BNC2: variants seen among roughly 807,000 people sequenced by gnomAD.
The protein encoded by BNC2 is zinc finger protein basonuclin-2.
Under a neutral mutation model 76.3 loss-of-function variants are expected in BNC2, and 20 were observed. That is an observed-to-expected ratio of 0.26 (90% confidence interval 0.18 to 0.38). The LOEUF (loss-of-function observed/expected upper bound fraction) is 0.38, where lower values mean the gene tolerates loss of function less well. BNC2 is among the 10% of genes least tolerant of loss of function. The pLI is 1.00. For missense variants in BNC2, 1,382 were observed against 1,399.8 expected, an observed-to-expected ratio of 0.99 and a Z score of 0.20; for synonymous variants, 582 against 514.8, an observed-to-expected ratio of 1.13 and a Z score of -1.77.
chr9:16,494,032 C>T (rs1336884999), intron 5 of BNC2, among the ~76,000 whole-genome samples: 1 of 152,116 alleles, frequency 6.6e-6, no homozygotes, highest in Non-Finnish European at 1.5e-5. Flanking sequence ...TTGGTTTTGT[C>T]CTAGGCACTG....
At chr9:16,792,133 C>G (rs1322856711) in intron 1 of BNC2, among the ~76,000 whole-genome samples, 1 of 151,530 alleles carries the variant, frequency 6.6e-6, no homozygotes, top group East Asian at 1.9e-4. Flanking sequence ...AACTAGATAC[C>G]ATCATACCAA....
chr9:16,592,118 C>T (rs1020801538), intron 3 of BNC2, among the ~76,000 whole-genome samples: 1 of 151,654 alleles, frequency 6.6e-6, no homozygotes, highest in African/African-American at 2.4e-5. Context: ...CCCCTCCCCT[C>T]CCCCCAAAAA....
chr9:16,590,496 A>G (rs1819894570), intron 3 of BNC2, among the ~76,000 whole-genome samples: 1 of 151,948 alleles, frequency 6.6e-6, no homozygotes, highest in South Asian at 2.1e-4. Flanking sequence ...CCTGGCTTAA[A>G]AAAAGAAAAT....
intron 5 of BNC2, among the ~76,000 whole-genome samples, chr9:16,533,724 T>C (rs1370978719): frequency 1.3e-5 from 2 of 152,206 alleles, no homozygotes; most frequent in Admixed American, 6.5e-5. Flanking sequence ...ACATTACTGC[T>C]ATTTGTAAAT....
At chr9:16,769,097 G>A (rs1003779473) in intron 1 of BNC2, among the ~76,000 whole-genome samples, 1 of 152,150 alleles carries the variant, frequency 6.6e-6, no homozygotes, top group Non-Finnish European at 1.5e-5. Context: ...TTACAAATAG[G>A]ACCCTGGAAA....
At chr9:16,845,770 C>T (rs1232239350) in intron 1 of BNC2, among the ~76,000 whole-genome samples, 1 of 152,026 alleles carries the variant, frequency 6.6e-6, no homozygotes, top group Non-Finnish European at 1.5e-5. Flanking sequence ...ATCCAAACCC[C>T]ACGTTCCAGA....
intron 5 of BNC2, among the ~76,000 whole-genome samples, chr9:16,517,580 T>C (rs1817478079): frequency 6.6e-6 from 1 of 152,146 alleles, no homozygotes; most frequent in Non-Finnish European, 1.5e-5. Context: ...CACACACACG[T>C]ACACAAGTGC....
intron 1 of BNC2, among the ~76,000 whole-genome samples, chr9:16,812,114 C>T (rs1818069769): frequency 6.6e-6 from 1 of 152,172 alleles, no homozygotes; most frequent in African/African-American, 2.4e-5. Flanking sequence ...ACTGGGTTCA[C>T]CTTTTGCTAC....
intron 3 of BNC2, among the ~76,000 whole-genome samples, chr9:16,587,557 C>T (rs760657718): frequency 4.6e-5 from 7 of 152,066 alleles, no homozygotes; most frequent in Non-Finnish European, 7.4e-5. Flanking sequence ...TTAACCTACA[C>T]GTTTCTCTTC....
intron 3 of BNC2, among the ~76,000 whole-genome samples, chr9:16,622,882 CTTA>C (rs549787582): frequency 5.3e-5 from 8 of 151,924 alleles, no homozygotes; most frequent in Non-Finnish European, 1.2e-4. Context: ...CTAAAAAAAC[CTTA>C]TTATTTTTAT....
At chr9:16,715,131 T>C (rs1544103) in intron 3 of BNC2, among the ~76,000 whole-genome samples, 133,340 of 152,236 alleles carry the variant, frequency 0.88, 58,752 homozygotes, top group Non-Finnish European at 0.93. Context: ...CTTTTTATAG[T>C]TGAATTCGGC....
At chr9:16,434,106 G>A (rs1421063310) in intron 6 of BNC2, among the ~76,000 whole-genome samples, 1 of 151,964 alleles carries the variant, frequency 6.6e-6, no homozygotes, top group African/African-American at 2.4e-5. Context: ...ATGGGGGTGG[G>A]AAAATCATTA....
At chr9:16,851,310 C>T (rs1819121555) in intron 1 of BNC2, among the ~76,000 whole-genome samples, 1 of 151,918 alleles carries the variant, frequency 6.6e-6, no homozygotes, top group African/African-American at 2.4e-5. Context: ...GAGTTTGAGA[C>T]CAGCCTGGGC....
chr9:16,709,491 A>G (rs1009609520), intron 3 of BNC2, among the ~76,000 whole-genome samples: 8 of 152,168 alleles, frequency 5.3e-5, no homozygotes, highest in Non-Finnish European at 1.0e-4. Context: ...AAGGGAAGAG[A>G]GAGTTAAGCG....
rs1403187728 is a variant in BNC2, at chr9:16,787,154, G to C, written c.4-48669C>G. On this transcript the variant is annotated intron_variant, in intron 1 of 6. Transcript: ENST00000380672. ...TACTTCAGCAACATCTCTCTTCACT[G>C]ATGTGAAACTGACAAGCAACCAAGA... Among the ~76,000 whole-genome samples the C allele has an allele frequency of 5.9e-5, 9 of 152,256 alleles. No individual in the cohort carries two copies. In the East Asian group the frequency reaches 1.7e-3, roughly 29 times the overall value.
In BNC2 at chr9:16,793,648, CTTTTTTTTTTTTTTTTTTTTT is replaced by C. The variant is rs71327860; in HGVS notation, c.4-55184_4-55164del. Among the ~76,000 whole-genome samples, 14 of 55,828 alleles carry C rather than the reference CTTTTTTTTTTTTTTTTTTTTT, an allele frequency of 2.5e-4. 3 individuals are homozygous for C. In the South Asian group the frequency reaches 4.0e-3, roughly 16 times the overall value. 36.6% of individuals were successfully genotyped at this position (55,828 alleles called of 152,430 possible). A position where few individuals can be genotyped will look rare whatever the true frequency, so the allele number is the denominator to read the frequency against. On this transcript the variant is annotated intron_variant, in intron 1 of 6. Coordinates refer to ENST00000380672, the MANE Select transcript of BNC2 (RefSeq NM_017637.6). ...CCAAAGGGGTACTTGCCTTCCACAT[CTTTTTTTTTTTTTTTTTTTTT>C]TTTTTTTTTTTTTTGAGAGGGAGTC...
chr9:16,448,822 CA>C (rs1821280081), intron 5 of BNC2, among the ~76,000 whole-genome samples: 1 of 152,202 alleles, frequency 6.6e-6, no homozygotes, highest in Non-Finnish European at 1.5e-5. Flanking sequence ...AACACATACA[CA>C]AGGCTGTTAA....
chr9:16,784,231 G>C (rs1295441290), intron 1 of BNC2, among the ~76,000 whole-genome samples: 1 of 152,190 alleles, frequency 6.6e-6, no homozygotes, highest in Non-Finnish European at 1.5e-5. Context: ...GAAGACAGCT[G>C]TGCAAACAGA....
chr9:16,428,173 T>C (rs914467598), intron 6 of BNC2, among the ~76,000 whole-genome samples: 2 of 152,208 alleles, frequency 1.3e-5, no homozygotes, highest in African/African-American at 4.8e-5. Context: ...CTCTCTCTCT[T>C]GCTCTCCACT....
Sources: allele counts gnomAD v4.1 joint callset (sites outside exome capture counted in the v4.1 genomes callset), GRCh38; gene constraint gnomAD v4.1.1; transcripts MANE v1.5; gene names NCBI Gene and HGNC (gene_info 2026-07-23, HGNC 2026-07-21).